Variants in TBCD observed in about 807,000 individuals in gnomAD.
The protein encoded by TBCD is tubulin folding cofactor D, also known as tubulin-specific chaperone D.
TBCD carries 105 observed loss-of-function variants against 169.3 expected under a neutral mutation model. The observed-to-expected ratio is 0.62, with a 90% CI of 0.53 to 0.73. The LOEUF (loss-of-function observed/expected upper bound fraction) is 0.73. Among genes scored for constraint, TBCD ranks in the 30% least tolerant of loss-of-function variants. The pLI is 0.00. For synonymous variants in TBCD, 700 were observed against 643.9 expected (o/e 1.09, Z -1.32); for missense variants, 1,444 against 1,600.1 (o/e 0.90, Z 1.66).
chr17:82,852,122 C>T (rs141005206), intron 13 of TBCD, among the ~76,000 whole-genome samples: 16 of 151,970 alleles, frequency 1.1e-4, no homozygotes, highest in East Asian at 5.8e-4. Flanking sequence ...CACGCTCCTT[C>T]GCTGTCATCC....
intron 12 of TBCD, among the ~76,000 whole-genome samples, chr17:82,814,599 T>G (rs1452805174): frequency 6.6e-6 from 1 of 152,252 alleles, no homozygotes; most frequent in Non-Finnish European, 1.5e-5. Context: ...CACTGCAACC[T>G]CCGCCTCCCT....
intron 16 of TBCD, among the ~76,000 whole-genome samples, chr17:82,892,774 A>C (rs2059229274): frequency 6.6e-6 from 1 of 152,188 alleles, no homozygotes; most frequent in Non-Finnish European, 1.5e-5. Context: ...TGGGGTTTAA[A>C]GTTTGTCATT....
In TBCD at chr17:82,782,998, G is replaced by A. The variant is rs549568520; in HGVS notation, c.771+1277G>A. Among the ~76,000 whole-genome samples the A allele has an allele frequency of 8.4e-4, 128 of 152,148 alleles. No individual in the cohort carries two copies. The highest frequency in any genetic ancestry group is 3.4e-3 in the Middle Eastern group (1 of 292). The stretch of plus-strand genomic sequence containing the variant: ...CTGTCCGCTGTGCCCTCCTGTCCGC[G>A]GCGTCGTCTTCCTGTCTGTGGTATC... On this transcript the variant is annotated intron_variant, in intron 7 of 38. Transcript: ENST00000355528. This position sits in a 1 kb window ranked among gnomAD's most constrained non-coding sequence, Gnocchi z 5.1.
chr17:82,905,560 C>T (rs1434441721), intron 19 of TBCD, among the ~76,000 whole-genome samples: 6 of 87,832 alleles, frequency 6.8e-5, no homozygotes, highest in Admixed American at 9.9e-5. Flanking sequence ...CGTGTGTGCA[C>T]GCCGTCACCT....
Position 82,797,618 on chromosome 17 carries a change from CTG to C in TBCD, c.772-137_772-136del, listed in dbSNP as rs1010760725. 1.4e-4 allele frequency: 91 copies of C among 660,428 alleles called. No individual in the cohort carries two copies. In the Middle Eastern group the frequency reaches 2.4e-3, roughly 17 times the overall value. The allele number at this position is 660,428 out of a possible 1,614,324, so 40.9% of individuals were successfully genotyped here. A position where few individuals can be genotyped will look rare whatever the true frequency, so the allele number is the denominator to read the frequency against. ...ATAATTACTTTATCATGTACAGAAA[CTG>C]TTTTCTTTATTATTAGGTGGTGAGT... On this transcript the variant is annotated intron_variant, in intron 7 of 38. Coordinates refer to ENST00000355528, the MANE Select transcript of TBCD (RefSeq NM_005993.5).
Position 82,807,658 on chromosome 17 carries a change from G to A in TBCD, c.1138G>A (p.Ala380Thr). 3 of 1,545,806 alleles carry A rather than the reference G, an allele frequency of 1.9e-6. No homozygotes were observed. The highest frequency in any genetic ancestry group is 2.4e-5 in the East Asian group (1 of 40,856). Residue 380 changes from alanine (A) to threonine (T), a missense_variant, in exon 11 of 39, where the codon GCA becomes ACA. Transcript: ENST00000355528. Reference sequence around the variant, plus strand: ...CAAGGACACGGTCGTGCGGTGGTCTGCAGCCAAGGGGTAGGTGTCTGTGGC... The same window carrying A: ...CAAGGACACGGTCGTGCGGTGGTCTACAGCCAAGGGGTAGGTGTCTGTGGC... Reference protein sequence around the residue: ...KDKDTVVRWSAAKGIGRMAGR... With the variant: ...KDKDTVVRWSTAKGIGRMAGR...
At position 82,768,305 on chromosome 17, in the gene TBCD, G is replaced by C; in HGVS notation, c.436-115G>C. On this transcript the variant is annotated intron_variant, in intron 4 of 38. Coordinates refer to ENST00000355528, the MANE Select transcript of TBCD (RefSeq NM_005993.5). ...TCTGGCCCTGAGGGTGATGGCATTT[G>C]AATGGCTTTCATAGGCATTGGGTGG... The C allele has an allele frequency of 4.7e-6, 6 of 1,285,334 alleles. No homozygotes were observed. In the South Asian group the frequency reaches 6.9e-5, roughly 15 times the overall value. 79.6% of individuals were successfully genotyped at this position (1,285,334 alleles called of 1,614,324 possible).
intron 14 of TBCD, among the ~76,000 whole-genome samples, chr17:82,877,592 G>A (rs1374968084): frequency 6.6e-6 from 1 of 152,078 alleles, no homozygotes; most frequent in East Asian, 1.9e-4. Context: ...CACCCACCTT[G>A]GCCTCCCAAA....
At chr17:82,939,162 T>A (rs1414357661) in intron 36 of TBCD, 8 of 606,188 alleles carry the variant, frequency 1.3e-5, no homozygotes, top group Non-Finnish European at 2.3e-5. Flanking sequence ...GCTAGCTGTG[T>A]GTCTGTGGAG....
At position 82,818,932 on chromosome 17, in the gene TBCD, T is replaced by C. The variant is rs74430004; in HGVS notation, c.1318+3998T>C. Among the ~76,000 whole-genome samples the C allele has an allele frequency of 9.5e-3, 1,441 of 152,130 alleles. 17 individuals carry two copies. Among genetic ancestry groups the C allele is most frequent in the African/African-American group, 0.032 (1,334 of 41,498 alleles). On this transcript the variant is annotated intron_variant, in intron 13 of 38. Coordinates refer to ENST00000355528, the MANE Select transcript of TBCD (RefSeq NM_005993.5). Reference sequence around the variant, plus strand: ...AAATACAAGGATGTGGTGGTGCATGTCTGTAATCCCAGCTACTCGGGAGGC... The same window carrying C: ...AAATACAAGGATGTGGTGGTGCATGCCTGTAATCCCAGCTACTCGGGAGGC...
At chr17:82,819,148 G>T (rs1041783622) in intron 13 of TBCD, among the ~76,000 whole-genome samples, 1 of 152,230 alleles carries the variant, frequency 6.6e-6, no homozygotes, top group African/African-American at 2.4e-5. Context: ...GATGACTAAA[G>T]CTTTTGTTTG....
At chr17:82,839,567 T>C (rs550833615) in intron 13 of TBCD, among the ~76,000 whole-genome samples, 1 of 152,338 alleles carries the variant, frequency 6.6e-6, no homozygotes, top group South Asian at 2.1e-4. Flanking sequence ...ACCACACATA[T>C]ATATATGACC....
intron 18 of TBCD, among the ~76,000 whole-genome samples, chr17:82,901,912 T>G (rs906548120): frequency 6.6e-6 from 1 of 152,248 alleles, no homozygotes; most frequent in Non-Finnish European, 1.5e-5. Flanking sequence ...ATTTGTCAGT[T>G]GTATCAGCCG....
At chr17:82,810,055 CTGAG>C (rs1486291261) in intron 12 of TBCD, among the ~76,000 whole-genome samples, 2 of 152,230 alleles carry the variant, frequency 1.3e-5, no homozygotes, top group Non-Finnish European at 1.5e-5. Flanking sequence ...AAAAGCTCTA[CTGAG>C]TGAGTTGGGG....
intron 16 of TBCD, chr17:82,893,175 C>G (rs2059261943): frequency 4.2e-6 from 1 of 239,840 alleles, no homozygotes; most frequent in African/African-American, 2.3e-5. Flanking sequence ...CACTTTGTGG[C>G]ATGGGGCTCA....
intron 34 of TBCD, among the ~76,000 whole-genome samples, chr17:82,933,637 A>G (rs1255067014): frequency 1.3e-5 from 2 of 150,960 alleles, no homozygotes; most frequent in Non-Finnish European, 3.0e-5. Context: ...GTTTGTTTTG[A>G]GATGGAGTCT....
At chr17:82,800,520 G>C (rs952652266) in intron 8 of TBCD, among the ~76,000 whole-genome samples, 2 of 152,154 alleles carry the variant, frequency 1.3e-5, no homozygotes, top group South Asian at 2.1e-4. Flanking sequence ...CCCGTGGCCT[G>C]CGTGGTCTCT....
At chr17:82,893,132 G>A (rs780304989) in intron 16 of TBCD, 5 of 187,676 alleles carry the variant, frequency 2.7e-5, no homozygotes, top group East Asian at 1.5e-4. Flanking sequence ...AGGCCTGCTC[G>A]CTCTGGTGTG....
At position 82,915,195 on chromosome 17, in the gene TBCD, C is replaced by T. The variant is rs550260791; in HGVS notation, c.2038+3406C>T. On this transcript the variant is annotated intron_variant, in intron 23 of 38. Coordinates refer to ENST00000355528, the MANE Select transcript of TBCD (RefSeq NM_005993.5). The surrounding 1 kb of genome is among the most constrained non-coding windows in gnomAD (Gnocchi z 4.3). The stretch of plus-strand genomic sequence containing the variant: ...GGCCAGAGGATGGCGCCCTTACCCC[C>T]GAGGACGCCGGCATGTCGGTGACAT... Among the ~76,000 whole-genome samples the T allele has an allele frequency of 3.3e-5, 5 of 152,270 alleles. No individual in the cohort carries two copies. The highest frequency in any genetic ancestry group is 1.9e-4 in the East Asian group (1 of 5,172).
Sources: allele counts gnomAD v4.1 joint callset (sites outside exome capture counted in the v4.1 genomes callset), GRCh38; gene constraint gnomAD v4.1.1; non-coding constraint Gnocchi (gnomAD v3.1); transcripts MANE v1.5; gene names NCBI Gene and HGNC (gene_info 2026-07-23, HGNC 2026-07-21).